VAV2: variants seen among roughly 807,000 people sequenced by gnomAD.
VAV2 encodes guanine nucleotide exchange factor VAV2.
VAV2 carries 67 observed loss-of-function variants against 132.5 expected under a neutral mutation model. The observed-to-expected ratio is 0.51, with a 90% CI of 0.42 to 0.62. The LOEUF (loss-of-function observed/expected upper bound fraction) is 0.62. Ranked by LOEUF, VAV2 falls within the 20% of genes least tolerant of loss-of-function variation. The probability of loss-of-function intolerance (pLI) is 0.00; values close to 1 mark genes in which losing one functional copy is unlikely to be tolerated. For synonymous variants in VAV2, 492 were observed against 443.5 expected, an observed-to-expected ratio of 1.11 and a Z score of -1.37; for missense variants, 938 against 1,153.6, an observed-to-expected ratio of 0.81 and a Z score of 2.71.
intron 2 of VAV2, among the ~76,000 whole-genome samples, chr9:133,866,978 G>A (rs1475477969): frequency 6.6e-6 from 1 of 152,106 alleles, no homozygotes; most frequent in Non-Finnish European, 1.5e-5. Context: ...CTCGGAGCTG[G>A]GGCAAACTCT....
chr9:133,764,134 C>CTG lies in VAV2; in HGVS notation c.2590-27_2590-26dup, dbSNP rs34181788. ...TCTGAAAAAGATGGTAAGATCGTGT[C>CTG]TGTGTGTGTGTGTGTGTGTGTAAGC... On this transcript the variant is annotated intron_variant, in intron 29 of 29. Transcript: ENST00000371850. 4,099 of 1,552,844 alleles carry CTG rather than the reference C, an allele frequency of 2.6e-3. 11 individuals carry two copies. The highest frequency in any genetic ancestry group is 0.019 in the African/African-American group (1,389 of 73,672).
At chr9:133,767,737 T>C (rs750398360) in intron 29 of VAV2, among the ~76,000 whole-genome samples, 17 of 152,220 alleles carry the variant, frequency 1.1e-4, no homozygotes, top group Non-Finnish European at 1.5e-4. Context: ...CAAGGTTAAC[T>C]GGCCCTCTGA....
intron 2 of VAV2, among the ~76,000 whole-genome samples, chr9:133,866,805 C>CAAA (rs55659710): frequency 0.019 from 1,650 of 85,140 alleles, 28 homozygotes; most frequent in Admixed American, 0.069. Flanking sequence ...GACTCCGTCT[C>CAAA]AAAAAAAAAA....
chr9:133,917,007 A>G (rs1488028754), intron 2 of VAV2, among the ~76,000 whole-genome samples: 1 of 152,186 alleles, frequency 6.6e-6, no homozygotes, highest in African/African-American at 2.4e-5. Flanking sequence ...AGGACTAATA[A>G]GGACGAGGTT....
chr9:133,964,060 C>T (rs4744540), intron 1 of VAV2, among the ~76,000 whole-genome samples: 64,081 of 107,106 alleles, frequency 0.6, 18,710 homozygotes, highest in East Asian at 0.78. Context: ...CATATATATA[C>T]ATATATATAA....
intron 2 of VAV2, among the ~76,000 whole-genome samples, chr9:133,865,666 T>G (rs1837768774): frequency 6.6e-6 from 1 of 152,274 alleles, no homozygotes; most frequent in Non-Finnish European, 1.5e-5. Context: ...AGAAATTCTC[T>G]CTCATCGACT....
In VAV2 at chr9:133,882,531, AAGAAG is replaced by A. The variant is rs529772012; in HGVS notation, c.322-21104_322-21100del. Among the ~76,000 whole-genome samples, 802 of 152,212 alleles carry A rather than the reference AAGAAG, an allele frequency of 5.3e-3. 8 individuals carry two copies. The highest frequency in any genetic ancestry group is 0.018 in the African/African-American group (766 of 41,544). ...AATCCACTGTGACCAGGGCCCTCAAAAGAAGAGAAAAGACATAGGGAGAAAGGGGA... is the reference window on the plus strand; with the variant it reads ...AATCCACTGTGACCAGGGCCCTCAAAAGAAAAGACATAGGGAGAAAGGGGA... On this transcript the variant is annotated intron_variant, in intron 2 of 29. Coordinates refer to ENST00000371850, the MANE Select transcript of VAV2 (RefSeq NM_001134398.2).
At chr9:133,812,986 A>G (rs1392632809) in intron 4 of VAV2, among the ~76,000 whole-genome samples, 1 of 152,110 alleles carries the variant, frequency 6.6e-6, no homozygotes, top group Non-Finnish European at 1.5e-5. Context: ...GCAGCGGATG[A>G]GCCTGGCCCC....
At chr9:133,951,713 G>C (rs936296984) in intron 1 of VAV2, among the ~76,000 whole-genome samples, 1 of 152,182 alleles carries the variant, frequency 6.6e-6, no homozygotes, top group Non-Finnish European at 1.5e-5. Flanking sequence ...ACCTTGTGCT[G>C]GGGACAGGGC....
chr9:133,838,444 T>C (rs1836558385), intron 3 of VAV2, among the ~76,000 whole-genome samples: 1 of 114,104 alleles, frequency 8.8e-6, no homozygotes, highest in South Asian at 3.6e-4. Flanking sequence ...GATGAATGGA[T>C]GGGTGGGTAA....
Position 133,833,551 on chromosome 9 carries a change from C to A in VAV2, c.449+721G>T, listed in dbSNP as rs1836345538. Among the ~76,000 whole-genome samples, 1 of 152,140 alleles carries A rather than the reference C, an allele frequency of 6.6e-6. No homozygotes were observed. Among genetic ancestry groups the A allele is most frequent in the Non-Finnish European group, 1.5e-5 (1 of 68,006 alleles). ...TGGTGGATGAGCCAGGCCGTGAGGC[C>A]CCAGCAAGGATGCTCGGTCTCAGCC... On this transcript the variant is annotated intron_variant, in intron 4 of 29. Transcript: ENST00000371850. This position sits in a 1 kb window ranked among gnomAD's most constrained non-coding sequence, Gnocchi z 5.6.
chr9:133,907,943 C>T (rs1297484210), intron 2 of VAV2, among the ~76,000 whole-genome samples: 1 of 137,174 alleles, frequency 7.3e-6, no homozygotes, highest in East Asian at 2.3e-4. Context: ...CCTTCACCAC[C>T]CTCCCCCAGA....
rs1437652209 is a variant in VAV2 at position 133,859,172 on chromosome 9, A to G, written c.380+2202T>C. 2.6e-5 allele frequency among the ~76,000 whole-genome samples: 4 copies of G among 152,158 alleles called. No individual in the cohort carries two copies. The East Asian group carries it at 5.8e-4, about 22-fold the overall frequency. ...CCATTCATCAATCAGCAGGACACAC[A>G]TGCAGGACAGATGCAGGGCCAGCCC... On this transcript the variant is annotated intron_variant, in intron 3 of 29. Coordinates refer to ENST00000371850, the MANE Select transcript of VAV2 (RefSeq NM_001134398.2).
At chr9:133,822,749 CTTCT>C (rs1487319328) in intron 4 of VAV2, among the ~76,000 whole-genome samples, 2 of 152,130 alleles carry the variant, frequency 1.3e-5, no homozygotes, top group Non-Finnish European at 1.5e-5. Flanking sequence ...TTTTTGGGGG[CTTCT>C]TTCTAAGCAG....
intron 2 of VAV2, among the ~76,000 whole-genome samples, chr9:133,936,586 G>A (rs564461365): frequency 2.0e-5 from 3 of 152,322 alleles, no homozygotes; most frequent in African/African-American, 7.2e-5. Flanking sequence ...GAGAAAAACA[G>A]TAGGCACTGC....
chr9:133,992,305 G>C lies in VAV2; in HGVS notation c.-27C>G. 2.9e-6 allele frequency: 4 copies of C among 1,374,226 alleles called. No homozygotes were observed. Among genetic ancestry groups the C allele is most frequent in the African/African-American group, 1.5e-5 (1 of 66,698 alleles). 85.1% of individuals were successfully genotyped at this position (1,374,226 alleles called of 1,614,324 possible). On this transcript the variant is annotated 5_prime_UTR_variant, in exon 1 of 30. Coordinates refer to ENST00000371850, the MANE Select transcript of VAV2 (RefSeq NM_001134398.2). The surrounding 1 kb of genome is among the most constrained non-coding windows in gnomAD (Gnocchi z 5.5). ...GCGCCCGCGGGCCCGACCGGCTCAG[G>C]GCAGTGCTCGAGCCAAAGTGCAGCG... is the stretch of plus-strand genomic sequence containing the variant.
At chr9:133,792,379 G>A (rs1439915899) in intron 12 of VAV2, among the ~76,000 whole-genome samples, 29 of 151,242 alleles carry the variant, frequency 1.9e-4, no homozygotes, top group South Asian at 2.1e-4. Flanking sequence ...GTGTGTGAGC[G>A]GGCTGTGCTG....
chr9:133,915,250 C>T (rs1840035424), intron 2 of VAV2, among the ~76,000 whole-genome samples: 1 of 152,140 alleles, frequency 6.6e-6, no homozygotes, highest in Non-Finnish European at 1.5e-5. Context: ...AAGCCACAGT[C>T]AGCCCCCACA....
At position 133,883,859 on chromosome 9, in the gene VAV2, G is replaced by A. The variant is rs1197928368; in HGVS notation, c.322-22427C>T. 3.3e-5 allele frequency among the ~76,000 whole-genome samples: 5 copies of A among 152,130 alleles called. No individual in the cohort carries two copies. Among genetic ancestry groups the A allele is most frequent in the African/African-American group, 4.8e-5 (2 of 41,440 alleles). ...TGCTTAAATTGATTCTAGTAGGCCC[G>A]GTGTGGTGGCTTATACCTGTAATCC... is the stretch of plus-strand genomic sequence containing the variant. On this transcript the variant is annotated intron_variant, in intron 2 of 29. Transcript: ENST00000371850. This position sits in a 1 kb window ranked among gnomAD's most constrained non-coding sequence, Gnocchi z 4.2.
Sources: allele counts gnomAD v4.1 joint callset (sites outside exome capture counted in the v4.1 genomes callset), GRCh38; gene constraint gnomAD v4.1.1; non-coding constraint Gnocchi (gnomAD v3.1); transcripts MANE v1.5; gene names NCBI Gene and HGNC (gene_info 2026-07-23, HGNC 2026-07-21).